CAMSAP1: variants seen among roughly 807,000 people sequenced by gnomAD.
CAMSAP1 encodes the protein calmodulin-regulated spectrin-associated protein 1.
A neutral mutation model predicts 143.5 loss-of-function variants in CAMSAP1; 58 were observed. That is an observed-to-expected ratio of 0.40 (90% CI 0.33 to 0.50). The LOEUF (loss-of-function observed/expected upper bound fraction) is 0.50. CAMSAP1 is among the 20% of genes least tolerant of loss of function. CAMSAP1 has a pLI of 0.45. For missense variants in CAMSAP1, 1,969 were observed against 2,115.7 expected, an observed-to-expected ratio of 0.93 and a Z score of 1.36; for synonymous variants, 945 against 859.3, an observed-to-expected ratio of 1.10 and a Z score of -1.74.
chr9:135,850,487 T>C, intron 5 of CAMSAP1, 26 bp from the exon 6 acceptor site: 15 of 1,531,980 alleles, frequency 9.8e-6, no homozygotes, highest in Non-Finnish European at 1.3e-5. Flanking sequence ...AAAATCACAA[T>C]TTATTGTAAA....
chr9:135,861,571 TG>T (rs1006389492), intron 5 of CAMSAP1, among the ~76,000 whole-genome samples: 2 of 152,226 alleles, frequency 1.3e-5, no homozygotes, highest in African/African-American at 4.8e-5. Context: ...TCCAAAGTGC[TG>T]GGATTACAGG....
intron 10 of CAMSAP1, among the ~76,000 whole-genome samples, chr9:135,823,470 C>A (rs1312396952): frequency 6.6e-6 from 1 of 152,240 alleles, no homozygotes; most frequent in Non-Finnish European, 1.5e-5. Context: ...CCTCTTGATA[C>A]CCTTCAAAAT....
At position 135,809,052 on chromosome 9, in the gene CAMSAP1, T is replaced by C. The variant is rs1834945876; in HGVS notation, c.*2257A>G. ...GCAGGGGCTTTGAATATAGGAGACA[T>C]TGATAAACAGAGTTATAAGTCAGTG... On this transcript the variant is annotated 3_prime_UTR_variant, in exon 17 of 17. Transcript: ENST00000389532. 1 of 152,156 alleles carries C rather than the reference T, an allele frequency of 6.6e-6. No homozygotes were observed. Among genetic ancestry groups the C allele is most frequent in the South Asian group, 2.1e-4 (1 of 4,822 alleles). The allele number at this position is 152,156 out of a possible 1,614,324, so 9.4% of individuals were successfully genotyped here.
At chr9:135,865,347 A>G in intron 4 of CAMSAP1, 2 of 1,550,662 alleles carry the variant, frequency 1.3e-6, no homozygotes, top group Non-Finnish European at 1.7e-6. Context: ...CTAACTTCCA[A>G]TACCACTTGG....
chr9:135,899,276 G>A (rs771235720), intron 1 of CAMSAP1, among the ~76,000 whole-genome samples: 21 of 152,066 alleles, frequency 1.4e-4, no homozygotes, highest in Middle Eastern at 3.4e-3. Flanking sequence ...ATCACACCTC[G>A]ATAAAAGTGG....
Position 135,819,182 on chromosome 9 carries a change from C to T in CAMSAP1, c.3823-36G>A, listed in dbSNP as rs201545129. On this transcript the variant is annotated intron_variant, in intron 11 of 16. Coordinates refer to ENST00000389532, the MANE Select transcript of CAMSAP1 (RefSeq NM_015447.4). ...GAGGCCACACAGAGCATGACAGGAACCCCCTCAGACGCCGGACACGGCCGC... is the reference window on the plus strand; with the variant it reads ...GAGGCCACACAGAGCATGACAGGAATCCCCTCAGACGCCGGACACGGCCGC... 4.4e-6 allele frequency: 7 copies of T among 1,576,702 alleles called. No individual in the cohort carries two copies. The African/African-American group carries it at 9.4e-5, about 21-fold the overall frequency.
intron 1 of CAMSAP1, among the ~76,000 whole-genome samples, chr9:135,890,254 C>T (rs1045435022): frequency 6.6e-6 from 1 of 152,142 alleles, no homozygotes; most frequent in African/African-American, 2.4e-5. Context: ...CCTCTGCACA[C>T]ACAATCCACA....
At chr9:135,902,842 A>G (rs2131032570) in intron 1 of CAMSAP1, among the ~76,000 whole-genome samples, 1 of 152,256 alleles carries the variant, frequency 6.6e-6, no homozygotes, top group East Asian at 1.9e-4. Context: ...GCACAGGGCC[A>G]CGTGCTGTCA....
In CAMSAP1 at chr9:135,821,380, C is replaced by T; in HGVS notation, c.3281G>A (p.Gly1094Asp). 2 of 1,613,754 alleles carry T rather than the reference C, an allele frequency of 1.2e-6. No individual in the cohort carries two copies. The highest frequency in any genetic ancestry group is 1.7e-6 in the Non-Finnish European group (2 of 1,179,762). ...VAGHRKAPRL[G>D]QGRNSRSGRP... Reference sequence around the variant, plus strand: ...TCCGGAACGGGAATTCCGGCCTTGACCCAGCCGGGGGGCTTTGCGGTGGCC... The same window carrying T: ...TCCGGAACGGGAATTCCGGCCTTGATCCAGCCGGGGGGCTTTGCGGTGGCC... The change falls in exon 11 of 17, where the codon GGT (glycine) becomes GAT (aspartate). Residue 1094 changes from glycine to aspartate, a missense_variant. Physicochemically the swap from Gly to Asp is moderately conservative, Grantham distance 94 (BLOSUM62 -1). Transcript: ENST00000389532. The surrounding 1 kb of genome is among the most constrained non-coding windows in gnomAD (Gnocchi z 4.6).
intron 16 of CAMSAP1, among the ~76,000 whole-genome samples, chr9:135,813,078 C>T (rs192120990): frequency 1.2e-3 from 189 of 152,268 alleles, no homozygotes; most frequent in African/African-American, 4.3e-3. Context: ...TAAAAACAAA[C>T]CCTCCACACG....
chr9:135,859,108 C>G (rs1837080843), intron 5 of CAMSAP1, among the ~76,000 whole-genome samples: 1 of 152,246 alleles, frequency 6.6e-6, no homozygotes, highest in Non-Finnish European at 1.5e-5. Flanking sequence ...GGAAAAGAAG[C>G]TGCATCTTCT....
intron 5 of CAMSAP1, among the ~76,000 whole-genome samples, chr9:135,859,995 A>G (rs1837121345): frequency 6.7e-6 from 1 of 149,388 alleles, no homozygotes; most frequent in African/African-American, 2.5e-5. Context: ...GCTTGAACCC[A>G]GGAGTTCGAG....
intron 3 of CAMSAP1, among the ~76,000 whole-genome samples, chr9:135,874,873 A>G (rs188861536): frequency 1.3e-5 from 2 of 152,228 alleles, no homozygotes; most frequent in East Asian, 3.8e-4. Context: ...GACTAGTAAC[A>G]AACAACTGGA....
intron 4 of CAMSAP1, chr9:135,865,287 A>T: frequency 6.5e-7 from 1 of 1,545,628 alleles, no homozygotes. Context: ...TGATCGCGAC[A>T]GGATGGCTCT....
At chr9:135,852,987 G>T (rs1191455122) in intron 5 of CAMSAP1, among the ~76,000 whole-genome samples, 3 of 152,218 alleles carry the variant, frequency 2.0e-5, no homozygotes, top group Admixed American at 2.0e-4. Flanking sequence ...CAGCAGGTGA[G>T]AGTCTGATGA....
At position 135,826,462 on chromosome 9, in the gene CAMSAP1, C is replaced by G. The variant is rs1028597743; in HGVS notation, c.1223+945G>C. The G allele has an allele frequency of 1.3e-5, 2 of 152,518 alleles. No individual in the cohort carries two copies. Among genetic ancestry groups the G allele is most frequent in the African/African-American group, 4.8e-5 (2 of 41,412 alleles). 9.4% of individuals were successfully genotyped at this position (152,518 alleles called of 1,614,324 possible). A position where few individuals can be genotyped will look rare whatever the true frequency, so the allele number is the denominator to read the frequency against. ...TATGCCCCACCCCTGGGTGTGTACC[C>G]CCCCACCACTGCCTGTATCACAAGG... On this transcript the variant is annotated intron_variant, in intron 8 of 16. Transcript: ENST00000389532. This position sits in a 1 kb window ranked among gnomAD's most constrained non-coding sequence, Gnocchi z 4.4.
rs756975240 is a variant in CAMSAP1, at chr9:135,883,077, A to G, written c.162T>C (p.Asp54=). ...GGTCTCTGAGGTCCTCAGGGATGTT[A>G]TCTAAGACAGGGAGGGGATGACCAG... ...QWICAKAYGR[D]NIPEDLRDPF... Residue 54 remains aspartate (D), a splice_region_variant and synonymous_variant, in exon 2 of 17, where the codon GAT becomes GAC. Transcript: ENST00000389532. 3.9e-6 allele frequency: 6 copies of G among 1,551,494 alleles called. No individual in the cohort carries two copies. In the South Asian group the frequency reaches 7.1e-5, roughly 18 times the overall value.
At chr9:135,878,693 G>A (rs1020027489) in intron 3 of CAMSAP1, among the ~76,000 whole-genome samples, 3 of 152,160 alleles carry the variant, frequency 2.0e-5, no homozygotes, top group Admixed American at 6.5e-5. Context: ...AACACAGCGC[G>A]GGTGAGAGAG....
Position 135,811,708 on chromosome 9 carries a change from G to T in CAMSAP1, c.4507-97C>A. ...ACAGCGGCTCAACCAGCACCGCTCC[G>T]TGGGAAGCTCTCCCACCCGTCAGCT... On this transcript the variant is annotated intron_variant, in intron 16 of 16. Coordinates refer to ENST00000389532, the MANE Select transcript of CAMSAP1 (RefSeq NM_015447.4). The surrounding 1 kb of genome is among the most constrained non-coding windows in gnomAD (Gnocchi z 4.9). The T allele has an allele frequency of 8.3e-7, 1 of 1,209,610 alleles. No homozygotes were observed. The highest frequency in any genetic ancestry group is 1.2e-6 in the Non-Finnish European group (1 of 864,960). The allele number at this position is 1,209,610 out of a possible 1,614,324, so 74.9% of individuals were successfully genotyped here. A position where few individuals can be genotyped will look rare whatever the true frequency, so the allele number is the denominator to read the frequency against.
Sources: gnomAD v4.1 joint callset for allele counts (sites outside exome capture counted in the v4.1 genomes callset) on GRCh38, gnomAD v4.1.1 for gene constraint, Gnocchi (gnomAD v3.1) non-coding constraint, MANE v1.5 for transcripts, NCBI Gene and HGNC (gene_info 2026-07-23, HGNC 2026-07-21) for gene names.